ZFYVE27: variants seen among roughly 807,000 people sequenced by gnomAD.
ZFYVE27 encodes protrudin.
Under a neutral mutation model 52.8 loss-of-function variants are expected in ZFYVE27, and 36 were observed. That is an observed-to-expected ratio of 0.68 (90% CI 0.52 to 0.90). The LOEUF (loss-of-function observed/expected upper bound fraction) is 0.90. ZFYVE27 is among the 40% of genes least tolerant of loss of function. The probability of loss-of-function intolerance (pLI) is 0.00; values close to 1 mark genes in which losing one functional copy is unlikely to be tolerated. For synonymous variants in ZFYVE27, 223 were observed against 215.6 expected, an observed-to-expected ratio of 1.03 and a Z score of -0.30; for missense variants, 450 against 527.2, an observed-to-expected ratio of 0.85 and a Z score of 1.43.
At chr10:97,754,766 C>T in intron 10 of ZFYVE27, 1 of 1,289,358 alleles carries the variant, frequency 7.8e-7, no homozygotes, top group Non-Finnish European at 1.0e-6. Flanking sequence ...TTCAGAGCAG[C>T]CAGATTCCAG....
chr10:97,754,866 G>C, intron 10 of ZFYVE27: 1 of 1,275,888 alleles, frequency 7.8e-7, no homozygotes, highest in Non-Finnish European at 1.0e-6. Context: ...AAGGTACTTA[G>C]CTGTTCCCAT....
At chr10:97,748,199 C>T (rs2045969501) in intron 4 of ZFYVE27, 70 bp from the exon 5 acceptor site, 3 of 1,452,138 alleles carry the variant, frequency 2.1e-6, no homozygotes, top group South Asian at 2.3e-5. Flanking sequence ...CCAACTGTAC[C>T]TGCAAGGCCC....
chr10:97,748,912 G>A (rs1437230350), intron 5 of ZFYVE27, among the ~76,000 whole-genome samples: 1 of 152,094 alleles, frequency 6.6e-6, no homozygotes, highest in Non-Finnish European at 1.5e-5. Flanking sequence ...ATTTTTCTTG[G>A]AGTAAATTCA....
chr10:97,738,685 T>C lies in ZFYVE27; in HGVS notation c.197+11T>C. 1 of 1,614,186 alleles carries C rather than the reference T, an allele frequency of 6.2e-7. No individual in the cohort carries two copies. The highest frequency in any genetic ancestry group is 8.5e-7 in the Non-Finnish European group (1 of 1,180,010). ...TCGATACTTGCTCAGGTACAGACTT[T>C]GTGGAGTTGCTCTGGTCTGCTCTGC... On this transcript the variant is annotated intron_variant, in intron 2 of 12. Transcript: ENST00000684270.
chr10:97,757,861 C>T (rs911052380), intron 12 of ZFYVE27, 138 bp downstream of exon 12: 2 of 709,712 alleles, frequency 2.8e-6, no homozygotes, highest in Non-Finnish European at 4.9e-6. Context: ...TCCTCCATCC[C>T]CTTTAGCAAA....
In ZFYVE27 at chr10:97,759,777, C is replaced by A; in HGVS notation, c.*477C>A. On this transcript the variant is annotated 3_prime_UTR_variant, in exon 13 of 13. Coordinates refer to ENST00000684270, the MANE Select transcript of ZFYVE27 (RefSeq NM_001385875.1). ...TGCAGAAGGGCTTGGGAGTGCCACA[C>A]CCCATCTCTGCTGATTGAATGTCCC... 1 of 204,038 alleles carries A rather than the reference C, an allele frequency of 4.9e-6. No homozygotes were observed. Among genetic ancestry groups the A allele is most frequent in the Non-Finnish European group, 1.0e-5 (1 of 97,034 alleles). The allele number at this position is 204,038 out of a possible 1,614,324, so 12.6% of individuals were successfully genotyped here. A position where few individuals can be genotyped will look rare whatever the true frequency, so the allele number is the denominator to read the frequency against.
intron 2 of ZFYVE27, among the ~76,000 whole-genome samples, chr10:97,740,285 A>G (rs1037028122): frequency 5.9e-5 from 9 of 152,154 alleles, no homozygotes; most frequent in Non-Finnish European, 1.3e-4. Flanking sequence ...CACCTAATTT[A>G]TGTCTGTATC....
intron 6 of ZFYVE27, among the ~76,000 whole-genome samples, chr10:97,749,794 G>A (rs2046442515): frequency 6.6e-6 from 1 of 152,188 alleles, no homozygotes; most frequent in Non-Finnish European, 1.5e-5. Context: ...CTACCATTGG[G>A]CTCCCATCTC....
At chr10:97,743,960 T>G (rs1003257741) in intron 3 of ZFYVE27, among the ~76,000 whole-genome samples, 5 of 152,248 alleles carry the variant, frequency 3.3e-5, no homozygotes, top group Non-Finnish European at 7.3e-5. Flanking sequence ...CATGTTTTTG[T>G]TCTTTTACTT....
chr10:97,742,797 A>G (rs539317031), intron 2 of ZFYVE27, among the ~76,000 whole-genome samples: 4 of 152,342 alleles, frequency 2.6e-5, no homozygotes, highest in Non-Finnish European at 5.9e-5. Flanking sequence ...ACAACCTTAC[A>G]AAACACAGGT....
At chr10:97,757,860 C>T (rs1341217137) in intron 12 of ZFYVE27, 137 bp downstream of exon 12, 4 of 712,654 alleles carry the variant, frequency 5.6e-6, no homozygotes, top group South Asian at 1.7e-5. Context: ...TTCCTCCATC[C>T]CCTTTAGCAA....
intron 11 of ZFYVE27, 71 bp from the exon 12 acceptor site, chr10:97,757,571 A>T (rs2048692938): frequency 5.9e-6 from 9 of 1,521,144 alleles, no homozygotes; most frequent in Non-Finnish European, 8.2e-6. Flanking sequence ...GCTGGTGGAA[A>T]GGAGGGAGGT....
Position 97,760,832 on chromosome 10 carries a change from T to C in ZFYVE27, c.*1532T>C, listed in dbSNP as rs2049345668. The C allele has an allele frequency of 6.6e-6, 1 of 152,236 alleles. No homozygotes were observed. The highest frequency in any genetic ancestry group is 2.4e-5 in the African/African-American group (1 of 41,462). 9.4% of individuals were successfully genotyped at this position (152,236 alleles called of 1,614,324 possible). A position where few individuals can be genotyped will look rare whatever the true frequency, so the allele number is the denominator to read the frequency against. On this transcript the variant is annotated 3_prime_UTR_variant, in exon 13 of 13. Transcript: ENST00000684270. ...TCAGTACCCCGTGCTTTCTTTACACTGGAGAGGAACTAAAAGGATCTCTGT... is the reference window on the plus strand; with the variant it reads ...TCAGTACCCCGTGCTTTCTTTACACCGGAGAGGAACTAAAAGGATCTCTGT...
rs555336739 is a variant in ZFYVE27 at position 97,760,384 on chromosome 10, A to G, written c.*1084A>G. On this transcript the variant is annotated 3_prime_UTR_variant, in exon 13 of 13. Transcript: ENST00000684270. ...ACTACTGGACTCTTACGGGCTCAGT[A>G]TCTCTCCCTTAGCCATGAGCTGGCT... is the stretch of plus-strand genomic sequence containing the variant. 1 of 152,340 alleles carries G rather than the reference A, an allele frequency of 6.6e-6. No individual in the cohort carries two copies. Among genetic ancestry groups the G allele is most frequent in the African/African-American group, 2.4e-5 (1 of 41,566 alleles). 9.4% of individuals were successfully genotyped at this position (152,340 alleles called of 1,614,324 possible).
chr10:97,738,916 A>C (rs2042829292), intron 2 of ZFYVE27: 1 of 543,334 alleles, frequency 1.8e-6, no homozygotes, highest in South Asian at 2.0e-5. Context: ...TTGTGACTGA[A>C]TAAGCTCCTT....
chr10:97,747,648 T>C (rs73324645), intron 4 of ZFYVE27, among the ~76,000 whole-genome samples: 3,693 of 152,294 alleles, frequency 0.024, 149 homozygotes, highest in African/African-American at 0.083. Flanking sequence ...TCTTTTGAGT[T>C]GGCTCTTGTT....
In ZFYVE27 at chr10:97,749,490, C is replaced by G. The variant is rs761826078; in HGVS notation, c.568C>G (p.Leu190Val). 2.2e-5 allele frequency: 36 copies of G among 1,614,164 alleles called. No homozygotes were observed. Among genetic ancestry groups the G allele is most frequent in the Admixed American group, 6.7e-5 (4 of 60,030 alleles). ...VVSSQFYGAL[L>V]GTVCMLYLLP... Reference sequence around the variant, plus strand: ...GTCATCCAGGTTCTATGGGGCTCTTCTGGGCACAGTCTGCATGCTGTATTT... The same window carrying G: ...GTCATCCAGGTTCTATGGGGCTCTTGTGGGCACAGTCTGCATGCTGTATTT... The change falls in exon 6 of 13, where the codon CTG becomes GTG. Residue 190 changes from leucine to valine, a missense_variant. Leu to Val is a conservative substitution (Grantham distance 32). Coordinates refer to ENST00000684270, the MANE Select transcript of ZFYVE27 (RefSeq NM_001385875.1).
chr10:97,752,782 C>T, intron 8 of ZFYVE27, 75 bp from the exon 9 acceptor site: 1 of 1,564,058 alleles, frequency 6.4e-7, no homozygotes, highest in African/African-American at 1.4e-5. Context: ...TTGGGGGCCC[C>T]TCCAGGTAGC....
chr10:97,745,035 C>A, intron 4 of ZFYVE27, 120 bp downstream of exon 4: 1 of 1,190,152 alleles, frequency 8.4e-7, no homozygotes, highest in Non-Finnish European at 1.2e-6. Context: ...TTCATTTAAC[C>A]TTTTTAACAG....
Sources: allele counts gnomAD v4.1 joint callset (sites outside exome capture counted in the v4.1 genomes callset), GRCh38; gene constraint gnomAD v4.1.1; transcripts MANE v1.5; gene names NCBI Gene and HGNC (gene_info 2026-07-23, HGNC 2026-07-21).